The following XIRP2 variants were observed in gnomAD, a reference collection of about 807,000 sequenced individuals.
The protein encoded by XIRP2 is xin actin-binding repeat-containing protein 2.
A neutral mutation model predicts 277.0 loss-of-function variants in XIRP2; 236 were observed. The observed-to-expected ratio is 0.85, with a 90% CI of 0.77 to 0.95. The LOEUF is 0.95. Among genes scored for constraint, XIRP2 ranks in the 40% least tolerant of loss-of-function variants. The pLI is 0.00. For missense variants in XIRP2, 4,640 were observed against 4,157.5 expected, an observed-to-expected ratio of 1.12 and a Z score of -3.19; for synonymous variants, 1,490 against 1,416.5, an observed-to-expected ratio of 1.05 and a Z score of -1.17.
chr2:166,966,365 C>T (rs571784346), intron 2 of XIRP2, among the ~76,000 whole-genome samples: 14 of 151,750 alleles, frequency 9.2e-5, no homozygotes, highest in African/African-American at 3.4e-4. Context: ...ACCAGATATA[C>T]CTAAATTTGA....
chr2:166,928,436 T>C (rs949222908), intron 2 of XIRP2, among the ~76,000 whole-genome samples: 1 of 152,134 alleles, frequency 6.6e-6, no homozygotes, highest in African/African-American at 2.4e-5. Context: ...AAAGTTTTCA[T>C]TGAACCATTT....
intron 3 of XIRP2, chr2:167,187,247 C>G: frequency 1.0e-6 from 1 of 985,322 alleles, no homozygotes. Context: ...CTCAGAGACA[C>G]TCTTCTTAAA....
intron 2 of XIRP2, among the ~76,000 whole-genome samples, chr2:167,014,899 A>C (rs1409283050): frequency 6.6e-6 from 1 of 151,634 alleles, no homozygotes; most frequent in Non-Finnish European, 1.5e-5. Flanking sequence ...ATCCCTCTAA[A>C]CCTCGTGCTT....
intron 2 of XIRP2, among the ~76,000 whole-genome samples, chr2:167,135,050 G>C (rs1691504292): frequency 6.6e-6 from 1 of 152,152 alleles, no homozygotes; most frequent in Admixed American, 6.6e-5. Flanking sequence ...GAAGACTACT[G>C]TGTGACCTCC....
At chr2:167,157,749 C>T (rs547881736) in intron 3 of XIRP2, among the ~76,000 whole-genome samples, 17 of 152,172 alleles carry the variant, frequency 1.1e-4, no homozygotes, top group East Asian at 9.7e-4. Context: ...CTTGACAATG[C>T]TGCTGGATAT....
chr2:167,229,355 T>A (rs1400062130), intron 5 of XIRP2, among the ~76,000 whole-genome samples: 3 of 152,152 alleles, frequency 2.0e-5, no homozygotes, highest in Non-Finnish European at 4.4e-5. Context: ...GCTAATTAAA[T>A]TTACTCTATT....
intron 3 of XIRP2, among the ~76,000 whole-genome samples, chr2:167,168,804 T>G (rs1692597867): frequency 6.6e-6 from 1 of 151,980 alleles, no homozygotes; most frequent in African/African-American, 2.4e-5. Context: ...TTAGTAGAGA[T>G]GGGGTTTCAC....
intron 2 of XIRP2, among the ~76,000 whole-genome samples, chr2:166,969,151 G>A (rs1686506944): frequency 6.6e-6 from 1 of 151,864 alleles, no homozygotes; most frequent in Admixed American, 6.6e-5. Flanking sequence ...CATCCAGGGA[G>A]TGAAAAAAAT....
chr2:167,123,318 G>A (rs772917979), intron 2 of XIRP2, among the ~76,000 whole-genome samples: 10 of 152,046 alleles, frequency 6.6e-5, no homozygotes, highest in Middle Eastern at 3.2e-3. Flanking sequence ...AGAAGTTCTT[G>A]TCTGGCTGTA....
At chr2:167,226,164 C>A (rs1694595473) in intron 5 of XIRP2, among the ~76,000 whole-genome samples, 1 of 152,142 alleles carries the variant, frequency 6.6e-6, no homozygotes, top group South Asian at 2.1e-4. Context: ...AAACGCAGAT[C>A]CCACTGGGGG....
chr2:167,209,831 T>A (rs1429636557), intron 3 of XIRP2, among the ~76,000 whole-genome samples: 1 of 152,140 alleles, frequency 6.6e-6, no homozygotes, highest in African/African-American at 2.4e-5. Flanking sequence ...TGGAGGGTCC[T>A]TATGTTCCTT....
intron 2 of XIRP2, among the ~76,000 whole-genome samples, chr2:166,984,013 A>AATT (rs1262900032): frequency 3.9e-5 from 6 of 152,040 alleles, no homozygotes; most frequent in Admixed American, 3.9e-4. Flanking sequence ...ACAGCCCTTA[A>AATT]AACCTCTTAT....
intron 2 of XIRP2, among the ~76,000 whole-genome samples, chr2:167,003,595 G>A (rs191062507): frequency 4.0e-4 from 61 of 151,900 alleles, no homozygotes; most frequent in Middle Eastern, 3.4e-3. Flanking sequence ...CAGTATGGTT[G>A]GGGTATTTAT....
intron 2 of XIRP2, among the ~76,000 whole-genome samples, chr2:166,906,893 C>T (rs1279245473): frequency 6.6e-6 from 1 of 152,136 alleles, no homozygotes; most frequent in Non-Finnish European, 1.5e-5. Flanking sequence ...GCATTCCATC[C>T]TGGGTGACAG....
chr2:166,933,591 T>G (rs1200820406), intron 2 of XIRP2, among the ~76,000 whole-genome samples: 1 of 151,152 alleles, frequency 6.6e-6, no homozygotes. Context: ...AAAAAAAAAA[T>G]TGATATATAA....
At chr2:167,149,342 T>A (rs6755389) in intron 3 of XIRP2, among the ~76,000 whole-genome samples, 1 of 152,052 alleles carries the variant, frequency 6.6e-6, no homozygotes, top group Non-Finnish European at 1.5e-5. Context: ...TAGATAAAGT[T>A]CCAGTGAGAA....
At chr2:166,951,591 A>C (rs566281372) in intron 2 of XIRP2, among the ~76,000 whole-genome samples, 3 of 152,140 alleles carry the variant, frequency 2.0e-5, no homozygotes, top group African/African-American at 7.2e-5. Context: ...TAGAAAAAAA[A>C]GTTGGCAATC....
At chr2:167,226,792 C>T (rs768449266) in intron 5 of XIRP2, among the ~76,000 whole-genome samples, 2 of 152,078 alleles carry the variant, frequency 1.3e-5, no homozygotes, top group Admixed American at 6.6e-5. Context: ...CTCTCTGGGC[C>T]TGAAACAGGG....
intron 2 of XIRP2, among the ~76,000 whole-genome samples, chr2:166,911,362 A>T (rs1684694305): frequency 6.6e-6 from 1 of 152,196 alleles, no homozygotes. Context: ...CTTTACCATT[A>T]CGTAATGGCC....
Sources: allele counts gnomAD v4.1 joint callset (sites outside exome capture counted in the v4.1 genomes callset), GRCh38; gene constraint gnomAD v4.1.1; transcripts MANE v1.5; gene names NCBI Gene and HGNC (gene_info 2026-07-23, HGNC 2026-07-21).